Variants in DNAH2 observed in about 807,000 individuals in gnomAD.
DNAH2 encodes the protein axonemal beta dynein heavy chain 2.
In DNAH2, 323 loss-of-function variants were observed where a neutral mutation model predicts 523.5. The ratio of observed to expected loss-of-function variants is 0.62; its 90% CI spans 0.56 to 0.68. The LOEUF is 0.68. Ranked by LOEUF, DNAH2 falls within the 30% of genes least tolerant of loss-of-function variation. The probability of loss-of-function intolerance (pLI) is 0.00; values close to 1 mark genes in which losing one functional copy is unlikely to be tolerated. For missense variants in DNAH2, 4,907 were observed against 5,701.5 expected, an observed-to-expected ratio of 0.86 and a Z score of 4.49; for synonymous variants, 2,093 against 2,177.4, an observed-to-expected ratio of 0.96 and a Z score of 1.08.
At chr17:7,741,236 C>CCCTT (rs2075308865) in intron 11 of DNAH2, among the ~76,000 whole-genome samples, 4 of 85,672 alleles carry the variant, frequency 4.7e-5, no homozygotes, top group Non-Finnish European at 5.1e-5. Context: ...TTTTCTCTCT[C>CCCTT]TCTTTCTTTC....
At chr17:7,827,660 G>T (rs1315745143) in intron 77 of DNAH2, among the ~76,000 whole-genome samples, 1 of 151,962 alleles carries the variant, frequency 6.6e-6, no homozygotes, top group Non-Finnish European at 1.5e-5. Flanking sequence ...TGACCAGGCT[G>T]GTCTCGAACT....
At chr17:7,737,603 A>T (rs1224895916) in intron 8 of DNAH2, among the ~76,000 whole-genome samples, 1 of 152,070 alleles carries the variant, frequency 6.6e-6, no homozygotes, top group African/African-American at 2.4e-5. Context: ...CAAGATGGAG[A>T]TTGCAGTGGG....
intron 28 of DNAH2, 89 bp from the exon 29 acceptor site, chr17:7,774,670 G>A (rs939669466): frequency 1.1e-5 from 13 of 1,179,526 alleles, no homozygotes; most frequent in Non-Finnish European, 1.6e-5. Context: ...CACTGTTCAA[G>A]AGCTGGCAAA....
rs557535285 is a variant in DNAH2, at chr17:7,753,519, T to G, written c.1905-3572T>G. ...CTTTACTGTATCCCCAGCGCCTAGC[T>G]GAATGATATTTACATGGGACACTGG... On this transcript the variant is annotated intron_variant, in intron 12 of 85. Coordinates refer to ENST00000572933, the MANE Select transcript of DNAH2 (RefSeq NM_020877.5). Among the ~76,000 whole-genome samples the G allele has an allele frequency of 2.6e-5, 4 of 152,274 alleles. No individual in the cohort carries two copies. In the East Asian group the frequency reaches 7.7e-4, roughly 29 times the overall value.
chr17:7,733,284 T>G lies in DNAH2; in HGVS notation c.597T>G (p.Ser199=), dbSNP rs2075043440. 1 of 1,614,006 alleles carries G rather than the reference T, an allele frequency of 6.2e-7. No individual in the cohort carries two copies. The highest frequency in any genetic ancestry group is 8.5e-7 in the Non-Finnish European group (1 of 1,180,024). ...AGAGCATTAGAAATCATTTTGCTTCTCATCTGCACAAGTTCTTGGCCTGCC... is the reference window on the plus strand; with the variant it reads ...AGAGCATTAGAAATCATTTTGCTTCGCATCTGCACAAGTTCTTGGCCTGCC... ...WPESIRNHFA[S]HLHKFLACLT... is the part of the protein sequence containing the mutation. Residue 199 remains serine, a synonymous_variant, in exon 5 of 86, where the codon TCT becomes TCG. Transcript: ENST00000572933.
At chr17:7,806,087 A>G (rs2077359284) in intron 61 of DNAH2, among the ~76,000 whole-genome samples, 1 of 152,212 alleles carries the variant, frequency 6.6e-6, no homozygotes, top group African/African-American at 2.4e-5. Context: ...TCGTCTTTAC[A>G]ATGGTACCCA....
chr17:7,817,884 C>A lies in DNAH2; in HGVS notation c.10236+28C>A, dbSNP rs371965350. The A allele has an allele frequency of 5.3e-4, 849 of 1,613,882 alleles. 3 individuals are homozygous for A. The highest frequency in any genetic ancestry group is 4.6e-3 in the Middle Eastern group (28 of 6,060). On this transcript the variant is annotated intron_variant, in intron 67 of 85. Transcript: ENST00000572933. ...GTGAGGCTGGGGGGTCAGGTTAGCC[C>A]CCCCCTTCCTGAGGCCCCACCTCTC...
intron 72 of DNAH2, among the ~76,000 whole-genome samples, chr17:7,820,810 C>T (rs1052818019): frequency 5.3e-5 from 8 of 152,140 alleles, no homozygotes; most frequent in African/African-American, 9.7e-5. Context: ...AAAGCTGAGA[C>T]GGGTGGATCA....
chr17:7,758,372 G>T, intron 13 of DNAH2, 123 bp from the exon 14 acceptor site: 2 of 1,276,332 alleles, frequency 1.6e-6, no homozygotes, highest in East Asian at 2.4e-5. Flanking sequence ...TACTAGTCTA[G>T]AATCTAGTCT....
chr17:7,799,837 A>T (rs1291528483), intron 56 of DNAH2, among the ~76,000 whole-genome samples: 1 of 152,146 alleles, frequency 6.6e-6, no homozygotes, highest in South Asian at 2.1e-4. Context: ...ACACACACAC[A>T]CACCCAAAAT....
Position 7,828,260 on chromosome 17 carries a change from T to A in DNAH2, c.11854-2040T>A, listed in dbSNP as rs1463345869. ...AATTACCATATAGCTTTATAATAATTCTTGATGGCTGGTAAGGCACATCTT... is the reference window on the plus strand; with the variant it reads ...AATTACCATATAGCTTTATAATAATACTTGATGGCTGGTAAGGCACATCTT... On this transcript the variant is annotated intron_variant, in intron 77 of 85. Transcript: ENST00000572933. This position sits in a 1 kb window ranked among gnomAD's most constrained non-coding sequence, Gnocchi z 4.1. Among the ~76,000 whole-genome samples the A allele has an allele frequency of 6.6e-6, 1 of 152,128 alleles. No homozygotes were observed. Among genetic ancestry groups the A allele is most frequent in the Non-Finnish European group, 1.5e-5 (1 of 68,028 alleles).
At position 7,833,513 on chromosome 17, in the gene DNAH2, C is replaced by T. The variant is rs1185465032; in HGVS notation, c.13264C>T (p.Leu4422Phe). 1 of 1,614,056 alleles carries T rather than the reference C, an allele frequency of 6.2e-7. No individual in the cohort carries two copies. ...DHWIKRGTAL[L>F]MSLDS ...TTGGATCAAGAGGGGCACTGCTCTA[C>T]TCATGAGCCTGGACAGCTGAGACCT... The change falls in exon 86 of 86, where the codon CTC becomes TTC. Residue 4422 changes from leucine to phenylalanine, a missense_variant. Physicochemically the swap from Leu to Phe is conservative, Grantham distance 22. This residue lies in a region of DNAH2 where 1,851 missense variants were observed against 2,139.4 expected (regional missense o/e 0.87). Transcript: ENST00000572933.
chr17:7,768,250 C>CTCTCA lies in DNAH2; in HGVS notation c.3924_3925insTCTCA (p.Pro1309SerfsTer58). 6.2e-7 allele frequency: 1 copy of CTCTCA among 1,614,188 alleles called. No homozygotes were observed. The highest frequency in any genetic ancestry group is 8.5e-7 in the Non-Finnish European group (1 of 1,180,036). ...TGCCTCTCATCTCAGACCTGCGGAA[C>CTCTCA]CCTGCCCTTAGAGAGAGGTGAGGCT... is the stretch of plus-strand genomic sequence containing the variant. On this transcript the variant is annotated frameshift_variant, in exon 24 of 86. Transcript: ENST00000572933. LOFTEE classifies it high-confidence loss of function.
chr17:7,792,070 G>T lies in DNAH2; in HGVS notation c.7053+1G>T. The T allele has an allele frequency of 6.2e-7, 1 of 1,613,108 alleles. No individual in the cohort carries two copies. Among genetic ancestry groups the T allele is most frequent in the Non-Finnish European group, 8.5e-7 (1 of 1,179,782 alleles). ...GATCGAGGGCTCCTTTCCCAATAAG[G>T]TTGGGCGCACACCTGGCTGTCCTAT... is the stretch of plus-strand genomic sequence containing the variant. On this transcript the variant is annotated splice_donor_variant, in intron 45 of 85. Transcript: ENST00000572933. LOFTEE classifies it high-confidence loss of function.
At chr17:7,737,821 G>T in intron 8 of DNAH2, 3 of 635,982 alleles carry the variant, frequency 4.7e-6, no homozygotes, top group Admixed American at 2.3e-5. Flanking sequence ...CTGGCCAGGG[G>T]TGGAGAACCA....
At chr17:7,749,342 A>AAAAAAAAAAAAAAAAAAAGAAAG (rs2075617787) in intron 12 of DNAH2, among the ~76,000 whole-genome samples, 1 of 140,872 alleles carries the variant, frequency 7.1e-6, no homozygotes, top group African/African-American at 2.8e-5. Flanking sequence ...AAAAAAAAAA[A>AAAAAAAAAAAAAAAAAAAGAAAG]AAAAAAGAAA....
intron 12 of DNAH2, chr17:7,755,092 T>C (rs6503057): frequency 0.75 from 155,769 of 208,026 alleles, 59,899 homozygotes; most frequent in East Asian, 1. Context: ...GTTTTACAGC[T>C]GGAAGTGGAT....
rs1189089215 is a variant in DNAH2, at chr17:7,779,234, A to T, written c.5542-9A>T. 6.2e-7 allele frequency: 1 copy of T among 1,613,406 alleles called. No homozygotes were observed. The highest frequency in any genetic ancestry group is 8.5e-7 in the Non-Finnish European group (1 of 1,179,784). On this transcript the variant is annotated splice_polypyrimidine_tract_variant and intron_variant, in intron 35 of 85. Transcript: ENST00000572933. ...CTCGCTCCCAGTGACTCTGCCTTGC[A>T]CCCCGCAGACTGGAGCTTGGGGCTG...
In DNAH2 at chr17:7,758,871, G is replaced by C. The variant is rs762577219; in HGVS notation, c.2209-14G>C. On this transcript the variant is annotated splice_polypyrimidine_tract_variant and intron_variant, in intron 14 of 85. Coordinates refer to ENST00000572933, the MANE Select transcript of DNAH2 (RefSeq NM_020877.5). ...CCCGAGCTGAAACTCCCCCATGACG[G>C]GGCCTGACTCTAGGTGCAGATGATT... is the stretch of plus-strand genomic sequence containing the variant. The C allele has an allele frequency of 4.3e-6, 7 of 1,612,432 alleles. No individual in the cohort carries two copies. In the African/African-American group the frequency reaches 8.0e-5, roughly 18 times the overall value.
Sources: gnomAD v4.1 joint callset for allele counts (sites outside exome capture counted in the v4.1 genomes callset) on GRCh38, gnomAD v4.1.1 for gene constraint, gnomAD v4.1.1 regional missense constraint, Gnocchi (gnomAD v3.1) non-coding constraint, MANE v1.5 for transcripts, NCBI Gene and HGNC (gene_info 2026-07-23, HGNC 2026-07-21) for gene names.